The following MATCAP2 variants were observed in gnomAD, a reference collection of about 807,000 sequenced individuals.
MATCAP2 encodes the protein putative tyrosine carboxypeptidase MATCAP2.
chr7:36,333,511 C>T, the MATCAP2 span, among the ~76,000 whole-genome samples: 1 of 151,118 alleles, frequency 6.6e-6, no homozygotes, highest in Non-Finnish European at 1.5e-5. Context: ...AATTGTATGG[C>T]ATGTGAATTA....
the MATCAP2 span, among the ~76,000 whole-genome samples, chr7:36,336,513 CCT>C: frequency 3.9e-5 from 6 of 152,248 alleles, no homozygotes; most frequent in South Asian, 2.1e-4. Flanking sequence ...GAACTCTTCC[CCT>C]GTGTTCATTT....
chr7:36,354,516 G>C, the MATCAP2 span, among the ~76,000 whole-genome samples: 1 of 152,194 alleles, frequency 6.6e-6, no homozygotes, highest in Non-Finnish European at 1.5e-5. Context: ...GTAGAAGCCA[G>C]AGACCATGGG....
At chr7:36,353,741 A>AC in the MATCAP2 span, among the ~76,000 whole-genome samples, 1 of 152,144 alleles carries the variant, frequency 6.6e-6, no homozygotes, top group African/African-American at 2.4e-5. Context: ...TCGGACTCCC[A>AC]AAGTGCTGGG....
At chr7:36,358,365 A>C in the MATCAP2 span, among the ~76,000 whole-genome samples, 3 of 152,212 alleles carry the variant, frequency 2.0e-5, no homozygotes, top group African/African-American at 7.2e-5. Context: ...ATTTACTCAA[A>C]AACCATTGTT....
the MATCAP2 span, among the ~76,000 whole-genome samples, chr7:36,372,449 T>A: frequency 2.6e-4 from 40 of 152,374 alleles, no homozygotes; most frequent in African/African-American, 9.1e-4. Context: ...TTTTGCAGCA[T>A]GTCTATATTC....
the MATCAP2 span, among the ~76,000 whole-genome samples, chr7:36,349,912 T>C: frequency 6.6e-6 from 1 of 152,134 alleles, no homozygotes; most frequent in African/African-American, 2.4e-5. Context: ...GCTATTTAGG[T>C]TAAGAAATAA....
At chr7:36,325,734 T>C in the MATCAP2 span, 6 of 152,170 alleles carry the variant, frequency 3.9e-5, no homozygotes, top group Non-Finnish European at 5.9e-5. Flanking sequence ...AACAGAACTC[T>C]CATTTTAAAA....
the MATCAP2 span, among the ~76,000 whole-genome samples, chr7:36,377,796 GT>G: frequency 1.3e-5 from 2 of 152,068 alleles, no homozygotes; most frequent in African/African-American, 4.8e-5. Flanking sequence ...GGCTTTGTTC[GT>G]TTCTTTTTAC....
At chr7:36,368,596 C>G in the MATCAP2 span, among the ~76,000 whole-genome samples, 1 of 152,196 alleles carries the variant, frequency 6.6e-6, no homozygotes, top group African/African-American at 2.4e-5. Flanking sequence ...CCACCCTACC[C>G]TCTTTCACAC....
At chr7:36,340,743 C>G in the MATCAP2 span, among the ~76,000 whole-genome samples, 2 of 152,150 alleles carry the variant, frequency 1.3e-5, no homozygotes, top group Non-Finnish European at 2.9e-5. Context: ...ATAGAGATAG[C>G]GACAGTAGCT....
At chr7:36,366,945 GC>G in the MATCAP2 span, 7 of 1,364,848 alleles carry the variant, frequency 5.1e-6, no homozygotes, top group South Asian at 1.1e-4. Flanking sequence ...CAGCATCGTC[GC>G]CCCGAGGCCC....
the MATCAP2 span, chr7:36,326,204 CACTT>C: frequency 1.8e-4 from 27 of 151,982 alleles, no homozygotes; most frequent in Non-Finnish European, 3.2e-4. Context: ...TAAAATAAAA[CACTT>C]AATGAAAAAT....
At chr7:36,343,651 G>GAA in the MATCAP2 span, among the ~76,000 whole-genome samples, 1 of 108,468 alleles carries the variant, frequency 9.2e-6, no homozygotes, top group Non-Finnish European at 1.9e-5. Flanking sequence ...AAAAAGAAAA[G>GAA]AGAAGGAAGG....
At chr7:36,372,421 T>C in the MATCAP2 span, among the ~76,000 whole-genome samples, 107 of 152,372 alleles carry the variant, frequency 7.0e-4, no homozygotes, top group Admixed American at 1.8e-3. Flanking sequence ...AGGATGTCTA[T>C]ATCAAGAGAA....
the MATCAP2 span, among the ~76,000 whole-genome samples, chr7:36,340,911 A>G: frequency 4.6e-5 from 7 of 152,202 alleles, no homozygotes; most frequent in African/African-American, 1.7e-4. Flanking sequence ...CCAATTTTGG[A>G]AAAAGGAAAC....
the MATCAP2 span, among the ~76,000 whole-genome samples, chr7:36,376,366 A>G: frequency 5.3e-5 from 8 of 152,172 alleles, no homozygotes; most frequent in Non-Finnish European, 7.3e-5. Flanking sequence ...GTCATTCAGG[A>G]GCAGGTTGTT....
the MATCAP2 span, among the ~76,000 whole-genome samples, chr7:36,368,547 G>A: frequency 3.3e-5 from 5 of 152,280 alleles, no homozygotes; most frequent in Admixed American, 3.3e-4. Flanking sequence ...ACCACCTCTT[G>A]TCTGGATTAT....
the MATCAP2 span, among the ~76,000 whole-genome samples, chr7:36,370,356 T>C: frequency 0.51 from 76,992 of 152,090 alleles, 19,733 homozygotes; most frequent in African/African-American, 0.54. Flanking sequence ...CCTGTTTCTA[T>C]ATTAACCATT....
the MATCAP2 span, chr7:36,383,777 C>G: frequency 1.1e-6 from 1 of 901,200 alleles, no homozygotes; most frequent in African/African-American, 1.7e-5. Flanking sequence ...CAAACCTGCA[C>G]GTTCTGCACA....
Sources: allele counts gnomAD v4.1 joint callset (sites outside exome capture counted in the v4.1 genomes callset), GRCh38; gene constraint gnomAD v4.1.1; transcripts MANE v1.5; gene names NCBI Gene and HGNC (gene_info 2026-07-23, HGNC 2026-07-21).